Variants in COL15A1 observed in about 807,000 individuals in gnomAD.
COL15A1 encodes the protein collagen type XV alpha 1 chain.
COL15A1 carries 111 observed loss-of-function variants against 165.9 expected under a neutral mutation model. That is an observed-to-expected ratio of 0.67 (90% CI 0.57 to 0.78). COL15A1 has a LOEUF of 0.78. Ranked by LOEUF, COL15A1 falls within the 30% of genes least tolerant of loss-of-function variation. The pLI, the probability that COL15A1 is intolerant of heterozygous loss-of-function variation, is 0.00. For synonymous variants in COL15A1, 659 were observed against 674.8 expected (o/e 0.98, Z 0.36); for missense variants, 1,745 against 1,789.7 (o/e 0.98, Z 0.45).
intron 24 of COL15A1, among the ~76,000 whole-genome samples, chr9:99,043,707 C>A (rs1291643062): frequency 1.3e-5 from 2 of 152,160 alleles, no homozygotes; most frequent in African/African-American, 4.8e-5. Context: ...TAGCTACTCC[C>A]AGCCCCATTG....
intron 9 of COL15A1, among the ~76,000 whole-genome samples, chr9:99,013,564 A>G (rs1054540406): frequency 7.2e-5 from 11 of 152,002 alleles, no homozygotes; most frequent in Admixed American, 5.2e-4. Flanking sequence ...AAAAAAAAAA[A>G]ACAGCTAAGA....
rs533629578 is a variant in COL15A1 at position 98,986,061 on chromosome 9, C to T, written c.597C>T (p.Ser199=). 39 of 1,613,936 alleles carry T rather than the reference C, an allele frequency of 2.4e-5. No individual in the cohort carries two copies. Among genetic ancestry groups the T allele is most frequent in the African/African-American group, 2.1e-4 (16 of 75,022 alleles). ...CCCAGGCTTTGGCTTTTGAGTCCAG[C>T]GCTGGAATCTTCATGGGCAATGCAG... ...RSSQALAFES[S]AGIFMGNAGA... is the part of the protein sequence containing the mutation. The change falls in exon 3 of 42, where the codon AGC becomes AGT. Residue 199 remains serine (S), a synonymous_variant. Coordinates refer to ENST00000375001, the MANE Select transcript of COL15A1 (RefSeq NM_001855.5).
At chr9:98,977,824 A>C (rs1287918287) in intron 2 of COL15A1, among the ~76,000 whole-genome samples, 1 of 152,184 alleles carries the variant, frequency 6.6e-6, no homozygotes, top group East Asian at 1.9e-4. Context: ...GAATCCCCAC[A>C]TGGGAAGTGG....
At position 99,070,601 on chromosome 9, in the gene COL15A1, C is replaced by G. The variant is rs770086916; in HGVS notation, c.*715C>G. 2.2e-6 allele frequency: 1 copy of G among 447,030 alleles called. No homozygotes were observed. Among genetic ancestry groups the G allele is most frequent in the South Asian group, 1.6e-5 (1 of 62,278 alleles). The allele number at this position is 447,030 out of a possible 1,614,324, so 27.7% of individuals were successfully genotyped here. A position where few individuals can be genotyped will look rare whatever the true frequency, so the allele number is the denominator to read the frequency against. On this transcript the variant is annotated 3_prime_UTR_variant, in exon 42 of 42. Coordinates refer to ENST00000375001, the MANE Select transcript of COL15A1 (RefSeq NM_001855.5). ...AATTACTACCTTCCCCTTGGCGGCT[C>G]TCCTCCCCAACCCCCACCCCACAAT...
chr9:99,022,142 G>A lies in COL15A1; in HGVS notation c.1753G>A (p.Gly585Arg). The A allele has an allele frequency of 6.2e-7, 1 of 1,614,118 alleles. No individual in the cohort carries two copies. Among genetic ancestry groups the A allele is most frequent in the Non-Finnish European group, 8.5e-7 (1 of 1,179,990 alleles). ...PGPPEPSGPV[G>R]PTAGAEAEGS... ...CCCTCCTGAACCTTCTGGGCCTGTT[G>A]GACCCACGGTGAGATTCCCATCCAG... Residue 585 changes from glycine to arginine, a missense_variant, in exon 13 of 42, where the codon GGA becomes AGA. Gly to Arg is a moderately radical substitution (Grantham distance 125, BLOSUM62 -2). Transcript: ENST00000375001.
intron 5 of COL15A1, 120 bp downstream of exon 5, chr9:98,989,378 G>A (rs1053608221): frequency 4.1e-5 from 32 of 784,122 alleles, no homozygotes; most frequent in South Asian, 3.8e-4. Flanking sequence ...GAGCTTAATC[G>A]TTGACTCATC....
At chr9:99,054,041 G>A (rs1424974298) in intron 31 of COL15A1, among the ~76,000 whole-genome samples, 1 of 152,220 alleles carries the variant, frequency 6.6e-6, no homozygotes, top group Non-Finnish European at 1.5e-5. Flanking sequence ...CAGAAACAGT[G>A]TTTCTCACTA....
intron 5 of COL15A1, among the ~76,000 whole-genome samples, chr9:98,996,054 A>G (rs1838538348): frequency 1.3e-5 from 2 of 152,262 alleles, no homozygotes. Flanking sequence ...TCCATGGACC[A>G]GAAATTTTTT....
intron 39 of COL15A1, among the ~76,000 whole-genome samples, chr9:99,064,908 A>G (rs1476511258): frequency 1.3e-5 from 2 of 152,230 alleles, no homozygotes; most frequent in African/African-American, 4.8e-5. Flanking sequence ...ATTCAGAACT[A>G]ATACGTATTC....
chr9:99,039,380 G>A (rs772855006), intron 22 of COL15A1, among the ~76,000 whole-genome samples: 4 of 152,088 alleles, frequency 2.6e-5, no homozygotes, highest in Non-Finnish European at 4.4e-5. Flanking sequence ...ATGGTGGCAT[G>A]TGCCTGTAAT....
intron 6 of COL15A1, among the ~76,000 whole-genome samples, chr9:98,997,465 A>T (rs1313017948): frequency 1.3e-5 from 2 of 152,234 alleles, no homozygotes; most frequent in Non-Finnish European, 2.9e-5. Context: ...TGTCTCCAAC[A>T]CCGACAGCAT....
At chr9:99,021,108 G>A (rs1839019651) in intron 12 of COL15A1, among the ~76,000 whole-genome samples, 1 of 152,214 alleles carries the variant, frequency 6.6e-6, no homozygotes, top group African/African-American at 2.4e-5. Flanking sequence ...CCTGCCCAGG[G>A]AGCCTGCTCT....
chr9:99,063,208 T>G, intron 39 of COL15A1, 99 bp downstream of exon 39: 1 of 1,326,484 alleles, frequency 7.5e-7, no homozygotes, highest in Middle Eastern at 1.9e-4. Flanking sequence ...TCATGATACT[T>G]ATAGACTAGT....
rs371557070 is a variant in COL15A1, at chr9:99,061,929, C to G, written c.3403-42C>G. The G allele has an allele frequency of 2.3e-5, 37 of 1,590,856 alleles. No homozygotes were observed. In the African/African-American group the frequency reaches 3.9e-4, roughly 17 times the overall value. ...CAGGTTATCAGATGGTGCCATTCCT[C>G]TAATGATAATGGCAGTGTTTGGAAT... On this transcript the variant is annotated intron_variant, in intron 36 of 41. Transcript: ENST00000375001.
chr9:98,989,271 A>ATGC lies in COL15A1; in HGVS notation c.804+16_804+18dup. On this transcript the variant is annotated intron_variant, in intron 5 of 41. Transcript: ENST00000375001. ...CACTCAAGCCTCGGTGAGTACTGGG[A>ATGC]TGCTGTGCCATGTGATCTTGCTCAG... 1 of 1,600,046 alleles carries ATGC rather than the reference A, an allele frequency of 6.2e-7. No homozygotes were observed. The highest frequency in any genetic ancestry group is 1.1e-5 in the South Asian group (1 of 90,670).
intron 16 of COL15A1, among the ~76,000 whole-genome samples, chr9:99,030,428 C>T (rs1194074311): frequency 1.3e-5 from 2 of 152,208 alleles, no homozygotes. Flanking sequence ...TCCTCCTTTT[C>T]ACCCTGCCTG....
chr9:99,005,541 C>T (rs918842689), intron 9 of COL15A1, among the ~76,000 whole-genome samples: 4 of 152,266 alleles, frequency 2.6e-5, no homozygotes, highest in East Asian at 3.9e-4. Context: ...CTATGGGTGC[C>T]CTCAAGTTCT....
rs1588507568 is a variant in COL15A1 at position 98,996,992 on chromosome 9, A to G, written c.863A>G (p.Glu288Gly). The change falls in exon 6 of 42, where the codon GAA becomes GGA. Residue 288 changes from glutamate (E) to glycine (G), a missense_variant. By Grantham distance (98) the Glu-to-Gly change is moderately conservative. Coordinates refer to ENST00000375001, the MANE Select transcript of COL15A1 (RefSeq NM_001855.5). Reference protein sequence around the residue: ...NTPPTPSSPFEDMELSGEPVP... With the variant: ...NTPPTPSSPFGDMELSGEPVP... The stretch of plus-strand genomic sequence containing the variant: ...CCTCCAACTCCATCCTCCCCCTTTG[A>G]AGACATGGAACTTTCTGGTGAACCT... 3 of 1,614,172 alleles carry G rather than the reference A, an allele frequency of 1.9e-6. No individual in the cohort carries two copies. Among genetic ancestry groups the G allele is most frequent in the South Asian group, 2.2e-5 (2 of 91,076 alleles).
intron 33 of COL15A1, 36 bp from the exon 34 acceptor site, chr9:99,055,226 C>T: frequency 6.3e-7 from 1 of 1,583,440 alleles, no homozygotes; most frequent in Non-Finnish European, 8.7e-7. Flanking sequence ...GTTCATCCCA[C>T]TCTTACTGAA....
Sources: gnomAD v4.1 joint callset for allele counts (sites outside exome capture counted in the v4.1 genomes callset) on GRCh38, gnomAD v4.1.1 for gene constraint, MANE v1.5 for transcripts, NCBI Gene and HGNC (gene_info 2026-07-23, HGNC 2026-07-21) for gene names.